Variants in NLGN1 observed in about 807,000 individuals in gnomAD.
NLGN1 encodes the protein neuroligin 1.
A neutral mutation model predicts 65.5 loss-of-function variants in NLGN1; 12 were observed. The ratio of observed to expected loss-of-function variants is 0.18; its 90% CI spans 0.12 to 0.30. The LOEUF is 0.30. Among genes scored for constraint, NLGN1 ranks in the 10% least tolerant of loss-of-function variants. The probability of loss-of-function intolerance (pLI) is 1.00; values close to 1 mark genes in which losing one functional copy is unlikely to be tolerated. For synonymous variants in NLGN1, 350 were observed against 359.5 expected, an observed-to-expected ratio of 0.97 and a Z score of 0.30; for missense variants, 750 against 1,007.1, an observed-to-expected ratio of 0.74 and a Z score of 3.46.
chr3:173,410,067 G>A (rs1247325920), intron 1 of NLGN1, among the ~76,000 whole-genome samples: 3 of 152,150 alleles, frequency 2.0e-5, no homozygotes, highest in Non-Finnish European at 4.4e-5. Context: ...TGGTACTGCT[G>A]CTAAGTTAGT....
intron 2 of NLGN1, among the ~76,000 whole-genome samples, chr3:173,439,971 A>C (rs1333172349): frequency 6.6e-6 from 1 of 152,156 alleles, no homozygotes; most frequent in Non-Finnish European, 1.5e-5. Flanking sequence ...CATGCAAGTC[A>C]GTTTGGTAGG....
intron 3 of NLGN1, among the ~76,000 whole-genome samples, chr3:173,805,149 G>A (rs1356386112): frequency 6.6e-6 from 1 of 152,074 alleles, no homozygotes; most frequent in Admixed American, 6.6e-5. Context: ...CTCAAACTTT[G>A]TTAACAATAT....
intron 3 of NLGN1, chr3:173,695,434 C>A: frequency 5.9e-6 from 1 of 170,274 alleles, no homozygotes. Context: ...AGTGCATCCA[C>A]AAGGATATAT....
chr3:173,573,655 C>CTAT (rs1042615518), intron 2 of NLGN1, among the ~76,000 whole-genome samples: 1 of 150,780 alleles, frequency 6.6e-6, no homozygotes, highest in Non-Finnish European at 1.5e-5. Flanking sequence ...TATTTTTATG[C>CTAT]TATTATTATT....
At chr3:173,552,940 A>G (rs1265617052) in intron 2 of NLGN1, among the ~76,000 whole-genome samples, 1 of 152,232 alleles carries the variant, frequency 6.6e-6, no homozygotes, top group Non-Finnish European at 1.5e-5. Context: ...TACTCAAAAT[A>G]TGATCCATGG....
intron 4 of NLGN1, among the ~76,000 whole-genome samples, chr3:173,935,614 A>ACACT: frequency 8.6e-6 from 1 of 116,108 alleles, no homozygotes; most frequent in African/African-American, 3.0e-5. Flanking sequence ...ACACACACAC[A>ACACT]CACACACACT....
intron 2 of NLGN1, among the ~76,000 whole-genome samples, chr3:173,482,429 A>G (rs749430466): frequency 2.0e-5 from 3 of 151,868 alleles, no homozygotes; most frequent in South Asian, 2.1e-4. Context: ...TCAAATTCCT[A>G]CCTTCACTCC....
intron 2 of NLGN1, among the ~76,000 whole-genome samples, chr3:173,587,115 C>T (rs926145104): frequency 6.6e-6 from 1 of 152,074 alleles, no homozygotes; most frequent in African/African-American, 2.4e-5. Context: ...ATTCCAAAAC[C>T]ATTAAATCAG....
In NLGN1 at chr3:173,615,227, A is replaced by G. The variant is rs370386913; in HGVS notation, c.493+10136A>G. 3.3e-5 allele frequency among the ~76,000 whole-genome samples: 5 copies of G among 152,032 alleles called. No homozygotes were observed. The South Asian group carries it at 1.0e-3, about 32-fold the overall frequency. On this transcript the variant is annotated intron_variant, in intron 3 of 6. Coordinates refer to ENST00000457714, the Ensembl canonical transcript of NLGN1. ...TCAATTAATTGATTGATTGATTGTT[A>G]TTCTTTTTGGTGTTGTTGCTTTGCT...
chr3:173,474,581 TA>T (rs1725863433), intron 2 of NLGN1, among the ~76,000 whole-genome samples: 1 of 152,184 alleles, frequency 6.6e-6, no homozygotes, highest in Non-Finnish European at 1.5e-5. Flanking sequence ...ATAGTTTGAT[TA>T]ATATGTATGT....
chr3:174,123,556 A>G (rs1489394470), intron 4 of NLGN1, among the ~76,000 whole-genome samples: 1 of 152,024 alleles, frequency 6.6e-6, no homozygotes, highest in Admixed American at 6.6e-5. Context: ...TTTTTCTTCC[A>G]AGCAGTCATA....
At chr3:173,873,921 G>A (rs914515398) in intron 4 of NLGN1, among the ~76,000 whole-genome samples, 7 of 152,040 alleles carry the variant, frequency 4.6e-5, no homozygotes, top group Non-Finnish European at 8.8e-5. Context: ...ATATGTGTAG[G>A]CTCTAATCCC....
intron 3 of NLGN1, among the ~76,000 whole-genome samples, chr3:173,693,810 G>A (rs1446036988): frequency 6.6e-6 from 1 of 151,994 alleles, no homozygotes; most frequent in Non-Finnish European, 1.5e-5. Flanking sequence ...GTTATTTTGG[G>A]TCGCTGAAGT....
intron 4 of NLGN1, among the ~76,000 whole-genome samples, chr3:173,924,365 G>A (rs1186098512): frequency 6.6e-6 from 1 of 152,062 alleles, no homozygotes; most frequent in Non-Finnish European, 1.5e-5. Flanking sequence ...TGGAGAAGGT[G>A]AAATAAAAGT....
chr3:173,466,550 G>T (rs1223378146), intron 2 of NLGN1, among the ~76,000 whole-genome samples: 1 of 152,020 alleles, frequency 6.6e-6, no homozygotes, highest in Admixed American at 6.6e-5. Flanking sequence ...TTGTATGCTA[G>T]GTGTATTAAC....
chr3:173,529,999 C>T (rs1300743753), intron 2 of NLGN1, among the ~76,000 whole-genome samples: 3 of 151,252 alleles, frequency 2.0e-5, no homozygotes, highest in Non-Finnish European at 4.4e-5. Flanking sequence ...ACTCTGTCAC[C>T]CAGGCTGGAG....
intron 4 of NLGN1, among the ~76,000 whole-genome samples, chr3:173,868,955 C>T (rs954483767): frequency 1.3e-5 from 2 of 152,034 alleles, no homozygotes; most frequent in African/African-American, 4.8e-5. Context: ...TGAAAACACC[C>T]TGAATTGGAC....
At chr3:174,120,716 T>C (rs1358652009) in intron 4 of NLGN1, among the ~76,000 whole-genome samples, 2 of 152,070 alleles carry the variant, frequency 1.3e-5, no homozygotes, top group African/African-American at 4.8e-5. Context: ...TATAGAAAAA[T>C]ATCTCTTTCT....
At chr3:173,567,394 GT>G (rs1743861016) in intron 2 of NLGN1, among the ~76,000 whole-genome samples, 1 of 151,874 alleles carries the variant, frequency 6.6e-6, no homozygotes, top group African/African-American at 2.4e-5. Context: ...ATATTTTGTA[GT>G]TTTTTAGTTT....
Sources: gnomAD v4.1 joint callset for allele counts (sites outside exome capture counted in the v4.1 genomes callset) on GRCh38, gnomAD v4.1.1 for gene constraint, MANE v1.5 for transcripts, NCBI Gene and HGNC (gene_info 2026-07-23, HGNC 2026-07-21) for gene names.